The following NHS variants were observed in gnomAD, a reference collection of about 807,000 sequenced individuals.
NHS encodes NHS actin remodeling regulator.
Under a neutral mutation model 72.5 loss-of-function variants are expected in NHS, and 5 were observed. That is an observed-to-expected ratio of 0.07 (90% CI 0.04 to 0.14). The LOEUF (loss-of-function observed/expected upper bound fraction) is 0.14. Ranked by LOEUF, NHS falls within the 10% of genes least tolerant of loss-of-function variation. NHS has a pLI of 1.00. For missense variants in NHS, 1,072 were observed against 1,355.7 expected (o/e 0.79, Z 3.29); for synonymous variants, 464 against 547.7 (o/e 0.85, Z 2.13).
chrX:17,704,578 G>A (rs1245397758), intron 3 of NHS, among the ~76,000 whole-genome samples: 3 of 111,376 alleles, frequency 2.7e-5, no homozygotes, highest in Non-Finnish European at 5.7e-5. Flanking sequence ...GATTACAGGC[G>A]TGAGCCGCCA....
intron 1 of NHS, among the ~76,000 whole-genome samples, chrX:17,513,815 G>A (rs950122044): frequency 8.9e-6 from 1 of 112,493 alleles, no homozygotes; most frequent in Non-Finnish European, 1.9e-5. Context: ...AATATTGAAT[G>A]TCAACTTGAT....
In NHS at chrX:17,721,573, G is replaced by A. The variant is rs770774210; in HGVS notation, c.1048G>A (p.Glu350Lys). Residue 350 changes from glutamate to lysine, a missense_variant, in exon 5 of 9, where the codon GAG (glutamate) becomes AAG (lysine). Physicochemically the swap from Glu to Lys is moderately conservative, Grantham distance 56 (BLOSUM62 1). Transcript: ENST00000676302. ...SKALPLPTPE[E>K]KMKQDAQVIS... The stretch of plus-strand genomic sequence containing the variant: ...AGCACTACCTCTCCCGACGCCAGAG[G>A]AGAAGATGAAACAAGATGCCCAAGT... 1.2e-5 allele frequency: 14 copies of A among 1,211,507 alleles called. No homozygotes were observed. Among genetic ancestry groups the A allele is most frequent in the Non-Finnish European group, 1.6e-5 (14 of 895,365 alleles).
At chrX:17,601,589 G>A (rs2065649767) in intron 1 of NHS, among the ~76,000 whole-genome samples, 1 of 111,633 alleles carries the variant, frequency 9.0e-6, no homozygotes, top group Non-Finnish European at 1.9e-5. Flanking sequence ...GGACAAGGAA[G>A]AAGAACATTA....
chrX:17,410,451 C>T (rs1202127606), intron 1 of NHS, among the ~76,000 whole-genome samples: 2 of 108,295 alleles, frequency 1.8e-5, no homozygotes, highest in Non-Finnish European at 1.9e-5. Context: ...AGATAAAGGT[C>T]GTACAGGCTT....
intron 1 of NHS, among the ~76,000 whole-genome samples, chrX:17,594,783 C>A (rs1468812666): frequency 6.2e-5 from 7 of 112,765 alleles, no homozygotes; most frequent in Non-Finnish European, 1.3e-4. Flanking sequence ...GGGAAAAGTT[C>A]TAAGCAAGTT....
At chrX:17,569,901 C>G (rs1299308486) in intron 1 of NHS, among the ~76,000 whole-genome samples, 3 of 112,073 alleles carry the variant, frequency 2.7e-5, no homozygotes, top group African/African-American at 9.7e-5. Flanking sequence ...AGCCAGTTTT[C>G]CCAACACCTT....
intron 3 of NHS, among the ~76,000 whole-genome samples, chrX:17,694,821 G>A (rs745901150): frequency 1.8e-5 from 2 of 111,680 alleles, no homozygotes; most frequent in Non-Finnish European, 3.8e-5. Context: ...TCTATAATAT[G>A]GTGATAAGAT....
chrX:17,471,333 C>T (rs912605225), intron 1 of NHS, among the ~76,000 whole-genome samples: 1 of 112,350 alleles, frequency 8.9e-6, no homozygotes, highest in African/African-American at 3.2e-5. Flanking sequence ...TATGATGAGG[C>T]TTGCTGACTA....
At chrX:17,654,308 G>T (rs1209043805) in intron 1 of NHS, among the ~76,000 whole-genome samples, 1 of 110,860 alleles carries the variant, frequency 9.0e-6, no homozygotes, top group Non-Finnish European at 1.9e-5. Flanking sequence ...TTCACTGGGG[G>T]AGTGGCCATG....
At chrX:17,404,833 G>A (rs1001152883) in intron 1 of NHS, among the ~76,000 whole-genome samples, 2 of 105,404 alleles carry the variant, frequency 1.9e-5, no homozygotes, top group Admixed American at 1.0e-4. Flanking sequence ...CTCTCTCTCC[G>A]TGGCAATTAT....
chrX:17,449,797 C>T (rs112486065), intron 1 of NHS, among the ~76,000 whole-genome samples: 3,989 of 111,302 alleles, frequency 0.036, 170 homozygotes, highest in African/African-American at 0.12. Context: ...TGCTTATATC[C>T]GGAAGACAAT....
intron 1 of NHS, among the ~76,000 whole-genome samples, chrX:17,526,288 G>A (rs1231757018): frequency 8.9e-6 from 1 of 112,610 alleles, no homozygotes; most frequent in African/African-American, 3.2e-5. Flanking sequence ...AGCTGGGCTA[G>A]CGCATGTGTC....
intron 1 of NHS, among the ~76,000 whole-genome samples, chrX:17,560,878 C>T (rs913462020): frequency 8.9e-6 from 1 of 112,602 alleles, no homozygotes; most frequent in African/African-American, 3.2e-5. Context: ...CACAAGCAAA[C>T]GGTCCCACCC....
At chrX:17,677,773 T>C (rs939310588) in intron 1 of NHS, among the ~76,000 whole-genome samples, 1 of 111,728 alleles carries the variant, frequency 9.0e-6, no homozygotes, top group Non-Finnish European at 1.9e-5. Flanking sequence ...CAGCTGTTAA[T>C]AAGTATTGAG....
chrX:17,618,833 A>G lies in NHS; in HGVS notation c.566-68909A>G, dbSNP rs1331766514. 4.5e-5 allele frequency among the ~76,000 whole-genome samples: 5 copies of G among 112,236 alleles called. No individual in the cohort carries two copies. The East Asian group carries it at 1.1e-3, about 25-fold the overall frequency. ...TAAAGTAAGCAGCATTAACTCACCA[A>G]TTGAAAATTACAGTCTGTTATTTAA... On this transcript the variant is annotated intron_variant, in intron 1 of 8. Transcript: ENST00000676302.
intron 1 of NHS, among the ~76,000 whole-genome samples, chrX:17,490,996 A>C (rs1428001568): frequency 8.9e-6 from 1 of 112,149 alleles, no homozygotes; most frequent in Admixed American, 9.5e-5. Flanking sequence ...ACTTTGCTGA[A>C]GTTGCTTATC....
intron 3 of NHS, among the ~76,000 whole-genome samples, chrX:17,695,615 C>A (rs889630318): frequency 4.5e-5 from 5 of 111,169 alleles, no homozygotes; most frequent in African/African-American, 1.6e-4. Context: ...GCAGTGAACT[C>A]CTAAGGGTGC....
intron 1 of NHS, among the ~76,000 whole-genome samples, chrX:17,503,588 T>G (rs1390940125): frequency 8.9e-6 from 1 of 111,932 alleles, no homozygotes; most frequent in Non-Finnish European, 1.9e-5. Flanking sequence ...CTACTCATTC[T>G]GGCTCCAGAG....
At chrX:17,635,656 C>G in intron 1 of NHS, 1 of 1,099,605 alleles carries the variant, frequency 9.1e-7, no homozygotes, top group African/African-American at 1.8e-5. Context: ...GAGGCTGGGT[C>G]TAACGAAGAG....
Sources: allele counts gnomAD v4.1 joint callset (sites outside exome capture counted in the v4.1 genomes callset), GRCh38; gene constraint gnomAD v4.1.1; transcripts MANE v1.5; gene names NCBI Gene and HGNC (gene_info 2026-07-23, HGNC 2026-07-21).